CHIC2: variants seen among roughly 807,000 people sequenced by gnomAD.
CHIC2 encodes cysteine-rich hydrophobic domain-containing protein 2.
Under a neutral mutation model 25.9 loss-of-function variants are expected in CHIC2, and 14 were observed. The observed-to-expected ratio is 0.54, with a 90% CI of 0.36 to 0.85. The LOEUF (loss-of-function observed/expected upper bound fraction) is 0.85, where lower values mean the gene tolerates loss of function less well. Among genes scored for constraint, CHIC2 ranks in the 40% least tolerant of loss-of-function variants. The pLI, the probability that CHIC2 is intolerant of heterozygous loss-of-function variation, is 0.01. For missense variants in CHIC2, 146 were observed against 202.0 expected, an observed-to-expected ratio of 0.72 and a Z score of 1.68; for synonymous variants, 70 against 72.0, an observed-to-expected ratio of 0.97 and a Z score of 0.14.
chr4:54,081,711 G>C, the CHIC2 span, among the ~76,000 whole-genome samples: 2 of 152,048 alleles, frequency 1.3e-5, no homozygotes, highest in African/African-American at 4.8e-5. Context: ...GTTTTGGGTT[G>C]CTTGTTGCTG....
intron 1 of CHIC2, chr4:54,059,523 A>T (rs1717270276): frequency 6.6e-6 from 1 of 151,956 alleles, no homozygotes; most frequent in South Asian, 2.1e-4. Flanking sequence ...CTTAGGTGAC[A>T]GGGAAAGATT....
the CHIC2 span, among the ~76,000 whole-genome samples, chr4:54,086,668 TAA>T: frequency 6.6e-6 from 1 of 152,174 alleles, no homozygotes; most frequent in Admixed American, 6.5e-5. Flanking sequence ...TTTGATATTT[TAA>T]AAAGAGTGAG....
At chr4:54,046,898 C>T (rs1009172725) in intron 3 of CHIC2, among the ~76,000 whole-genome samples, 3 of 152,204 alleles carry the variant, frequency 2.0e-5, no homozygotes, top group Admixed American at 6.5e-5. Context: ...GCAACCTGCT[C>T]ATCTGACAAA....
At chr4:54,078,111 A>C in the CHIC2 span, among the ~76,000 whole-genome samples, 1 of 152,250 alleles carries the variant, frequency 6.6e-6, no homozygotes. Context: ...GTGGGATTCT[A>C]TAATTAGTGC....
chr4:54,050,871 T>C (rs1044588716), intron 1 of CHIC2, among the ~76,000 whole-genome samples: 4 of 152,058 alleles, frequency 2.6e-5, no homozygotes, highest in African/African-American at 9.7e-5. Flanking sequence ...AAGCACCACA[T>C]ACTTGTATAT....
At chr4:54,074,266 A>T in the CHIC2 span, among the ~76,000 whole-genome samples, 2 of 152,180 alleles carry the variant, frequency 1.3e-5, no homozygotes, top group African/African-American at 4.8e-5. Flanking sequence ...TACTTAACTT[A>T]GACACTTAAA....
intron 3 of CHIC2, among the ~76,000 whole-genome samples, chr4:54,028,175 TATCA>T (rs1308733071): frequency 6.6e-6 from 1 of 152,208 alleles, no homozygotes; most frequent in Admixed American, 6.5e-5. Context: ...TGTTACCATT[TATCA>T]ATCAACTGGA....
At chr4:54,048,795 A>G (rs1242179246) in intron 3 of CHIC2, 160 bp downstream of exon 3, 2 of 529,652 alleles carry the variant, frequency 3.8e-6, no homozygotes, top group Non-Finnish European at 6.3e-6. Context: ...GCACTTGGAT[A>G]TATAGTAACT....
chr4:54,056,772 G>T (rs376967051), intron 1 of CHIC2, among the ~76,000 whole-genome samples: 1 of 152,226 alleles, frequency 6.6e-6, no homozygotes, highest in East Asian at 1.9e-4. Flanking sequence ...CAGCTCCTAC[G>T]GATGCAACTG....
intron 3 of CHIC2, among the ~76,000 whole-genome samples, chr4:54,036,497 A>C (rs1291097805): frequency 1.3e-5 from 2 of 152,096 alleles, no homozygotes; most frequent in Admixed American, 6.6e-5. Flanking sequence ...GGTGCCACAC[A>C]CTTTTAAAAA....
At chr4:54,069,513 C>T (rs564478296), upstream of CHIC2, among the ~76,000 whole-genome samples, 78 of 152,310 alleles carry the variant, frequency 5.1e-4, 1 homozygote, top group Middle Eastern at 3.4e-3. Flanking sequence ...TGTCTGGCAG[C>T]TCTCAGAACC....
At chr4:54,083,194 T>C in the CHIC2 span, among the ~76,000 whole-genome samples, 5 of 151,860 alleles carry the variant, frequency 3.3e-5, no homozygotes, top group Non-Finnish European at 1.5e-5. Flanking sequence ...TTTGTATTTT[T>C]AGTAGAGACG....
chr4:54,042,717 GA>G (rs1309439594), intron 3 of CHIC2, among the ~76,000 whole-genome samples: 4 of 151,298 alleles, frequency 2.6e-5, no homozygotes, highest in Non-Finnish European at 5.9e-5. Context: ...ATCCAGAGAC[GA>G]AAAAATGTTC....
At chr4:54,072,250 C>T in the CHIC2 span, among the ~76,000 whole-genome samples, 12 of 151,130 alleles carry the variant, frequency 7.9e-5, no homozygotes, top group Middle Eastern at 3.4e-3. Context: ...TGCAGTGAGC[C>T]GAGATTGCGC....
the CHIC2 span, among the ~76,000 whole-genome samples, chr4:54,083,910 G>C: frequency 2.0e-3 from 309 of 152,186 alleles, no homozygotes; most frequent in Non-Finnish European, 3.5e-3. Flanking sequence ...AGCCCTTCCT[G>C]CTTCTGTCTC....
At chr4:54,022,501 C>T (rs1456050759) in intron 3 of CHIC2, among the ~76,000 whole-genome samples, 1 of 152,142 alleles carries the variant, frequency 6.6e-6, no homozygotes, top group Non-Finnish European at 1.5e-5. Flanking sequence ...CTGATGCCAG[C>T]TTGGACAACA....
At position 54,030,214 on chromosome 4, in the gene CHIC2, T is replaced by C. The variant is rs114234373; in HGVS notation, c.331-16095A>G. ...AAAGAAAAAACCTAAGAAACCTATATTAAAATATTTATTACAATGATGGCC... is the reference window on the plus strand; with the variant it reads ...AAAGAAAAAACCTAAGAAACCTATACTAAAATATTTATTACAATGATGGCC... On this transcript the variant is annotated intron_variant, in intron 3 of 5. Transcript: ENST00000263921. 7.0e-3 allele frequency among the ~76,000 whole-genome samples: 1,070 copies of C among 152,246 alleles called. 14 individuals carry two copies. Among genetic ancestry groups the C allele is most frequent in the South Asian group, 0.018 (88 of 4,828 alleles).
intron 3 of CHIC2, among the ~76,000 whole-genome samples, chr4:54,019,117 G>C (rs934967325): frequency 5.3e-5 from 8 of 151,596 alleles, no homozygotes; most frequent in African/African-American, 1.7e-4. Flanking sequence ...AACTTAAGAG[G>C]AAATTATATT....
rs371108660 is a variant in CHIC2 at position 54,029,125 on chromosome 4, G to GA, written c.331-15007dup. On this transcript the variant is annotated intron_variant, in intron 3 of 5. Coordinates refer to ENST00000263921, the MANE Select transcript of CHIC2 (RefSeq NM_012110.4). Reference sequence around the variant, plus strand: ...TGACAGAGCGAGACTCCATCTCAAAGAAAAAAAAAAAAAAACAAAAGTCAA... The same window carrying GA: ...TGACAGAGCGAGACTCCATCTCAAAGAAAAAAAAAAAAAAAACAAAAGTCAA... 7.6e-3 allele frequency among the ~76,000 whole-genome samples: 640 copies of GA among 84,418 alleles called. 1 individual carries two copies. Among genetic ancestry groups the GA allele is most frequent in the East Asian group, 0.018 (53 of 2,974 alleles). The allele number at this position is 84,418 out of a possible 152,430, so 55.4% of individuals were successfully genotyped here. A position where few individuals can be genotyped will look rare whatever the true frequency, so the allele number is the denominator to read the frequency against.
Sources: gnomAD v4.1 joint callset for allele counts (sites outside exome capture counted in the v4.1 genomes callset) on GRCh38, gnomAD v4.1.1 for gene constraint, MANE v1.5 for transcripts, NCBI Gene and HGNC (gene_info 2026-07-23, HGNC 2026-07-21) for gene names.